NRG1: variants seen among roughly 807,000 people sequenced by gnomAD.
NRG1 encodes the protein neuregulin 1.
In NRG1, 18 loss-of-function variants were observed where a neutral mutation model predicts 63.8. That is an observed-to-expected ratio of 0.28 (90% CI 0.19 to 0.42). The LOEUF is 0.42. Among genes scored for constraint, NRG1 ranks in the 10% least tolerant of loss-of-function variants. The pLI is 1.00. For synonymous variants in NRG1, 302 were observed against 301.3 expected, an observed-to-expected ratio of 1.00 and a Z score of -0.02; for missense variants, 762 against 814.7, an observed-to-expected ratio of 0.94 and a Z score of 0.79.
intron 5 of NRG1, among the ~76,000 whole-genome samples, chr8:32,622,777 A>G (rs1335002938): frequency 6.6e-6 from 1 of 152,214 alleles, no homozygotes; most frequent in Non-Finnish European, 1.5e-5. Context: ...ATGCATGTAT[A>G]TCATTTAGCA....
intron 5 of NRG1, among the ~76,000 whole-genome samples, chr8:32,661,682 G>A (rs1045191080): frequency 6.6e-6 from 1 of 151,548 alleles, no homozygotes; most frequent in Admixed American, 6.6e-5. Flanking sequence ...TTCTTTAATG[G>A]TGGAAGACTT....
chr8:32,608,092 GTTTTT>G (rs1226154193), intron 3 of NRG1, among the ~76,000 whole-genome samples: 186 of 105,976 alleles, frequency 1.8e-3, no homozygotes, highest in South Asian at 3.9e-3. Context: ...GGTTTTTTTT[GTTTTT>G]TTTTTTTTTG....
intron 1 of NRG1, among the ~76,000 whole-genome samples, chr8:31,983,470 C>T (rs752610557): frequency 2.6e-5 from 4 of 152,008 alleles, no homozygotes; most frequent in Admixed American, 6.6e-5. Context: ...GCCTCAACCT[C>T]CCAGGTTCAA....
At chr8:32,762,641 C>T (rs557792962) in intron 11 of NRG1, among the ~76,000 whole-genome samples, 2 of 152,264 alleles carry the variant, frequency 1.3e-5, no homozygotes, top group South Asian at 4.2e-4. Context: ...TTCCTGTTAG[C>T]AAGAGTTCAG....
At position 32,178,947 on chromosome 8, in the gene NRG1, C is replaced by T. The variant is rs1038148456; in HGVS notation, c.38-416881C>T. On this transcript the variant is annotated intron_variant, in intron 1 of 10. Coordinates refer to the NRG1 transcript ENST00000519301. ...AAACTGATGGACATAAGAAAGCAAT[C>T]AGGATCTCGATTCTCAATGCCATGT... is the stretch of plus-strand genomic sequence containing the variant. Among the ~76,000 whole-genome samples the T allele has an allele frequency of 7.2e-5, 11 of 151,878 alleles. 1 individual carries two copies. In the South Asian group the frequency reaches 2.3e-3, roughly 32 times the overall value.
At chr8:32,213,531 C>G (rs566044221) in intron 1 of NRG1, among the ~76,000 whole-genome samples, 1 of 151,772 alleles carries the variant, frequency 6.6e-6, no homozygotes, top group Non-Finnish European at 1.5e-5. Context: ...GGTGATGGGT[C>G]GATAGGTGCA....
chr8:32,138,964 AAATCAATCAGTC>A (rs1224663785), intron 1 of NRG1, among the ~76,000 whole-genome samples: 4 of 152,164 alleles, frequency 2.6e-5, no homozygotes, highest in East Asian at 1.9e-4. Context: ...TTCAAAAGAG[AAATCAATCAGTC>A]AATCAATCAG....
chr8:31,704,555 G>A (rs1034470382), intron 1 of NRG1, among the ~76,000 whole-genome samples: 7 of 152,074 alleles, frequency 4.6e-5, no homozygotes, highest in African/African-American at 1.7e-4. Flanking sequence ...ATTCAGGGCT[G>A]GGCGCGGTGG....
In NRG1 at chr8:32,673,962, A is replaced by G. The variant is rs542109285; in HGVS notation, c.503-53987A>G. ...TTATCAGGCTAAAATTTACTGTGTC[A>G]TGACGAAAATTGAATAAAGTAATCT... On this transcript the variant is annotated intron_variant, in intron 5 of 11. Coordinates refer to ENST00000356819, the Ensembl canonical transcript of NRG1. Among the ~76,000 whole-genome samples, 13 of 152,320 alleles carry G rather than the reference A, an allele frequency of 8.5e-5. No individual in the cohort carries two copies. The South Asian group carries it at 2.7e-3, about 32-fold the overall frequency.
chr8:31,800,837 CTT>C (rs5890598), intron 1 of NRG1, among the ~76,000 whole-genome samples: 4 of 105,046 alleles, frequency 3.8e-5, no homozygotes, highest in Non-Finnish European at 1.9e-5. Context: ...AGTCTCCTTT[CTT>C]TTTTTTTTTT....
intron 1 of NRG1, among the ~76,000 whole-genome samples, chr8:32,261,503 T>C (rs1850372015): frequency 6.6e-6 from 1 of 152,092 alleles, no homozygotes; most frequent in Non-Finnish European, 1.5e-5. Context: ...TGGACAGGGA[T>C]TGAATTAGTA....
At chr8:32,274,056 C>T (rs1851825736) in intron 1 of NRG1, among the ~76,000 whole-genome samples, 1 of 152,020 alleles carries the variant, frequency 6.6e-6, no homozygotes, top group Admixed American at 6.6e-5. Flanking sequence ...GAACACATGG[C>T]TGGTGGAAAA....
In NRG1 at chr8:31,818,301, A is replaced by G. The variant is rs188987269; in HGVS notation, c.37+178870A>G. 5.3e-5 allele frequency among the ~76,000 whole-genome samples: 8 copies of G among 152,300 alleles called. No homozygotes were observed. In the East Asian group the frequency reaches 1.5e-3, roughly 29 times the overall value. ...TTCATGATGGATTCACATTAAAACA[A>G]TTTTTATGTTTTAAGCCTTCTCCCA... On this transcript the variant is annotated intron_variant, in intron 1 of 10. Coordinates refer to the NRG1 transcript ENST00000519301.
At chr8:32,500,369 A>G (rs1297188798) in intron 1 of NRG1, among the ~76,000 whole-genome samples, 1 of 152,198 alleles carries the variant, frequency 6.6e-6, no homozygotes, top group Non-Finnish European at 1.5e-5. Context: ...CGGGCCTGCC[A>G]GAAAGTTACC....
chr8:32,471,644 A>C (rs944682932), intron 1 of NRG1, among the ~76,000 whole-genome samples: 4 of 152,170 alleles, frequency 2.6e-5, no homozygotes, highest in Non-Finnish European at 4.4e-5. Context: ...AAATCCCCCA[A>C]GATAGAGTCC....
chr8:32,513,266 C>T (rs1336412250), intron 1 of NRG1, among the ~76,000 whole-genome samples: 6 of 151,386 alleles, frequency 4.0e-5, no homozygotes, highest in Non-Finnish European at 8.8e-5. Flanking sequence ...TTGTGCTTCT[C>T]AACATGCTTA....
At chr8:32,112,097 C>T (rs1832102122) in intron 1 of NRG1, among the ~76,000 whole-genome samples, 5 of 152,116 alleles carry the variant, frequency 3.3e-5, no homozygotes. Flanking sequence ...AAACTGCTGC[C>T]TCCAGTGTTA....
chr8:31,762,390 G>T (rs969476704), intron 1 of NRG1, among the ~76,000 whole-genome samples: 3 of 152,148 alleles, frequency 2.0e-5, no homozygotes, highest in Non-Finnish European at 4.4e-5. Flanking sequence ...CCTTTTTATG[G>T]CTGCAAAGTA....
chr8:31,716,864 A>G (rs1020900390), intron 1 of NRG1, among the ~76,000 whole-genome samples: 8 of 152,252 alleles, frequency 5.3e-5, no homozygotes, highest in East Asian at 1.9e-4. Flanking sequence ...AAAATAAACT[A>G]TGTCTGGTAT....
Sources: allele counts gnomAD v4.1 joint callset (sites outside exome capture counted in the v4.1 genomes callset), GRCh38; gene constraint gnomAD v4.1.1; transcripts MANE v1.5; gene names NCBI Gene and HGNC (gene_info 2026-07-23, HGNC 2026-07-21).